Variants in SNX29 observed in about 807,000 individuals in gnomAD.
The protein encoded by SNX29 is sorting nexin 29.
A neutral mutation model predicts 102.1 loss-of-function variants in SNX29; 78 were observed. The observed-to-expected ratio is 0.76, with a 90% confidence interval of 0.64 to 0.92. SNX29 has a LOEUF of 0.92. Ranked by LOEUF, SNX29 falls within the 40% of genes least tolerant of loss-of-function variation. The pLI is 0.00. For missense variants in SNX29, 1,280 were observed against 1,061.7 expected, an observed-to-expected ratio of 1.21 and a Z score of -2.86; for synonymous variants, 580 against 414.5, an observed-to-expected ratio of 1.40 and a Z score of -4.85.
rs1252599829 is a variant in SNX29 at position 12,027,304 on chromosome 16, A to G, written c.123-16A>G. On this transcript the variant is annotated splice_polypyrimidine_tract_variant and intron_variant, in intron 3 of 20. Coordinates refer to ENST00000566228, the MANE Select transcript of SNX29 (RefSeq NM_032167.5). ...CCTTTTCTGGGGGGACTGATGAGTC[A>G]TTGGTTTTCTCACAGGGTCACCTGT... The G allele has an allele frequency of 1.9e-6, 3 of 1,613,256 alleles. No homozygotes were observed. The highest frequency in any genetic ancestry group is 1.7e-5 in the Admixed American group (1 of 59,976).
At chr16:12,320,170 G>A (rs1486562944) in intron 15 of SNX29, among the ~76,000 whole-genome samples, 1 of 152,124 alleles carries the variant, frequency 6.6e-6, no homozygotes, top group African/African-American at 2.4e-5. Flanking sequence ...GTAAAGGGCC[G>A]ACCCTGACTT....
intron 14 of SNX29, among the ~76,000 whole-genome samples, chr16:12,266,913 G>A (rs779266692): frequency 4.0e-5 from 6 of 151,882 alleles, no homozygotes; most frequent in African/African-American, 9.7e-5. Context: ...ACAGACACCC[G>A]CCACCACGCC....
chr16:12,446,168 G>A (rs1004284358), intron 18 of SNX29, among the ~76,000 whole-genome samples: 5 of 148,606 alleles, frequency 3.4e-5, no homozygotes, highest in Non-Finnish European at 5.9e-5. Flanking sequence ...CAGTTGTTCA[G>A]CTTCTGCCTC....
intron 16 of SNX29, among the ~76,000 whole-genome samples, chr16:12,395,652 G>T (rs2083692940): frequency 6.6e-6 from 1 of 152,098 alleles, no homozygotes; most frequent in Non-Finnish European, 1.5e-5. Flanking sequence ...CCATATTGAG[G>T]GTAAACTAAA....
At chr16:12,552,802 G>A (rs1324503445) in intron 20 of SNX29, among the ~76,000 whole-genome samples, 1 of 152,136 alleles carries the variant, frequency 6.6e-6, no homozygotes, top group Non-Finnish European at 1.5e-5. Flanking sequence ...TCATCCTGGA[G>A]GAGAGAACAG....
intron 9 of SNX29, among the ~76,000 whole-genome samples, chr16:12,062,530 G>T (rs1299313184): frequency 6.6e-6 from 1 of 152,134 alleles, no homozygotes; most frequent in Non-Finnish European, 1.5e-5. Context: ...GGACGTGGTT[G>T]ATCCCAGCTG....
chr16:12,349,545 G>T (rs766827938), intron 15 of SNX29, among the ~76,000 whole-genome samples: 8 of 152,184 alleles, frequency 5.3e-5, no homozygotes, highest in Admixed American at 6.5e-5. Context: ...AATGCTCATT[G>T]GAGCATTTGG....
intron 15 of SNX29, among the ~76,000 whole-genome samples, chr16:12,302,567 C>T (rs895152421): frequency 1.3e-5 from 2 of 152,178 alleles, no homozygotes; most frequent in South Asian, 4.1e-4. Flanking sequence ...GACAGGGGGT[C>T]TCTGGGGCCT....
intron 20 of SNX29, among the ~76,000 whole-genome samples, chr16:12,553,228 C>G (rs1012114750): frequency 1.3e-5 from 2 of 152,078 alleles, no homozygotes; most frequent in African/African-American, 4.8e-5. Flanking sequence ...CAGATGGGGA[C>G]TTGAGAATAC....
intron 1 of SNX29, among the ~76,000 whole-genome samples, chr16:11,979,275 C>CAAAAAAAAAAAAAAA (rs71139569): frequency 1.6e-5 from 1 of 61,998 alleles, no homozygotes; most frequent in African/African-American, 7.5e-5. Flanking sequence ...ACTCAGTCTC[C>CAAAAAAAAAAAAAAA]AAAAAAAAAA....
At chr16:12,452,046 T>G (rs1406371627) in intron 18 of SNX29, among the ~76,000 whole-genome samples, 1 of 152,172 alleles carries the variant, frequency 6.6e-6, no homozygotes, top group Non-Finnish European at 1.5e-5. Flanking sequence ...GGACAGTTAT[T>G]GAGCCCCACT....
chr16:12,220,690 T>C (rs1431493318), intron 14 of SNX29, among the ~76,000 whole-genome samples: 1 of 152,268 alleles, frequency 6.6e-6, no homozygotes, highest in Non-Finnish European at 1.5e-5. Context: ...TCTTTTCCTT[T>C]TAATTTCTGA....
intron 14 of SNX29, among the ~76,000 whole-genome samples, chr16:12,258,608 T>C (rs2078643655): frequency 6.6e-6 from 1 of 152,098 alleles, no homozygotes; most frequent in African/African-American, 2.4e-5. Flanking sequence ...TCCCCACAGG[T>C]CCCAGGGCCC....
chr16:12,245,679 C>T (rs2078239990), intron 14 of SNX29, among the ~76,000 whole-genome samples: 2 of 152,268 alleles, frequency 1.3e-5, no homozygotes, highest in South Asian at 4.1e-4. Context: ...GAACTAGTCA[C>T]AGGCCTTGGT....
chr16:12,403,202 ATGTGTGTGTGTGTGTGTGTGTGTG>A (rs67193889), intron 17 of SNX29, among the ~76,000 whole-genome samples: 9 of 70,946 alleles, frequency 1.3e-4, no homozygotes, highest in African/African-American at 3.9e-4. Flanking sequence ...TTGTGTGTGT[ATGTGTGTGTGTGTGTGTGTGTGTG>A]TGTGTGTGTG....
chr16:12,092,152 T>G (rs1181986266), intron 11 of SNX29, among the ~76,000 whole-genome samples: 1 of 152,016 alleles, frequency 6.6e-6, no homozygotes, highest in Non-Finnish European at 1.5e-5. Flanking sequence ...CTCACTCCCC[T>G]CTTTAGTTTC....
intron 11 of SNX29, among the ~76,000 whole-genome samples, chr16:12,086,542 C>G (rs2151380096): frequency 6.6e-6 from 1 of 152,190 alleles, no homozygotes; most frequent in African/African-American, 2.4e-5. Flanking sequence ...TCCCAAGTAG[C>G]TGGGACTGAA....
intron 20 of SNX29, among the ~76,000 whole-genome samples, chr16:12,540,394 AAGTT>A (rs1302999814): frequency 2.0e-5 from 3 of 152,192 alleles, no homozygotes; most frequent in African/African-American, 7.2e-5. Flanking sequence ...AATTGGCACA[AAGTT>A]AGTGGCTAAA....
chr16:12,157,972 C>T lies in SNX29; in HGVS notation c.1595+28214C>T, dbSNP rs558938980. Among the ~76,000 whole-genome samples the T allele has an allele frequency of 2.0e-5, 3 of 152,304 alleles. No individual in the cohort carries two copies. In the South Asian group the frequency reaches 6.2e-4, roughly 32 times the overall value. The stretch of plus-strand genomic sequence containing the variant: ...TCATCCTTTGTGTTTTCCCAGCATC[C>T]CAGACTTGTATTATAATTCACATTA... On this transcript the variant is annotated intron_variant, in intron 13 of 20. Coordinates refer to ENST00000566228, the MANE Select transcript of SNX29 (RefSeq NM_032167.5).
Sources: allele counts gnomAD v4.1 joint callset (sites outside exome capture counted in the v4.1 genomes callset), GRCh38; gene constraint gnomAD v4.1.1; transcripts MANE v1.5; gene names NCBI Gene and HGNC (gene_info 2026-07-23, HGNC 2026-07-21).